Variants in SPATC1 observed in about 807,000 individuals in gnomAD.
SPATC1 encodes the protein speriolin.
A neutral mutation model predicts 36.5 loss-of-function variants in SPATC1; 35 were observed. The ratio of observed to expected loss-of-function variants is 0.96; its 90% CI spans 0.73 to 1.27. SPATC1 has a LOEUF of 1.27. Ranked by LOEUF, SPATC1 falls within the 50% of genes most tolerant of loss-of-function variation. SPATC1 has a pLI of 0.00. For missense variants in SPATC1, 779 were observed against 796.0 expected (o/e 0.98, Z 0.26); for synonymous variants, 361 against 353.6 (o/e 1.02, Z -0.24).
rs782061691 is a variant in SPATC1 at position 144,041,030 on chromosome 8, C to T, written c.1229C>T (p.Pro410Leu). ...TCTCGAGGTCCACGCACCACAGAAC[C>T]GTCGACGAAGAGCATGATGGAGGTG... ...NDSRGPRTTE[P>L]STKSMMEVER... The change falls in exon 3 of 5, where the codon CCG (proline) becomes CTG (leucine). Residue 410 changes from proline (P) to leucine (L), a missense_variant. Coordinates refer to ENST00000377470, the MANE Select transcript of SPATC1 (RefSeq NM_198572.3). The T allele has an allele frequency of 2.5e-6, 4 of 1,611,430 alleles. No individual in the cohort carries two copies. Among genetic ancestry groups the T allele is most frequent in the East Asian group, 2.2e-5 (1 of 44,874 alleles).
At chr8:144,039,426 C>T (rs897435294) in intron 1 of SPATC1, among the ~76,000 whole-genome samples, 1 of 152,208 alleles carries the variant, frequency 6.6e-6, no homozygotes, top group Non-Finnish European at 1.5e-5. Context: ...CAGCACGGAC[C>T]CCCTGAGGAG....
intron 1 of SPATC1, among the ~76,000 whole-genome samples, chr8:144,027,418 G>A (rs1207281033): frequency 1.3e-5 from 2 of 152,234 alleles, no homozygotes; most frequent in East Asian, 1.9e-4. Flanking sequence ...TCTTAATAAT[G>A]TCTTTTGAAA....
intron 1 of SPATC1, among the ~76,000 whole-genome samples, chr8:144,037,895 C>A: frequency 6.6e-6 from 1 of 151,510 alleles, no homozygotes; most frequent in East Asian, 1.9e-4. Context: ...TTTGGGAGGC[C>A]AAGGCGGGCA....
chr8:144,044,768 G>A (rs1835214208), intron 4 of SPATC1, among the ~76,000 whole-genome samples: 2 of 151,890 alleles, frequency 1.3e-5, no homozygotes, highest in Non-Finnish European at 2.9e-5. Context: ...CCAATGTGAT[G>A]AAACCCCGTC....
rs868989569 is a variant in SPATC1 at position 144,046,927 on chromosome 8, G to A, written c.1747G>A (p.Asp583Asn). 3.1e-6 allele frequency: 5 copies of A among 1,598,180 alleles called. No individual in the cohort carries two copies. The highest frequency in any genetic ancestry group is 2.2e-5 in the East Asian group (1 of 44,882). Reference sequence around the variant, plus strand: ...CTCCTGCCTCAGCCAGCTGGCGCACGATGACGGCAAGCCCATGTTCATCTG... The same window carrying A: ...CTCCTGCCTCAGCCAGCTGGCGCACAATGACGGCAAGCCCATGTTCATCTG... ...LLSCLSQLAH[D>N]DGKPMFIW is the part of the protein sequence containing the mutation. The change falls in exon 5 of 5, where the codon GAT becomes AAT. Residue 583 changes from aspartate (D) to asparagine (N), a missense_variant. Transcript: ENST00000377470. The surrounding 1 kb of genome is among the most constrained non-coding windows in gnomAD (Gnocchi z 6.6).
chr8:144,029,920 C>T (rs1260631873), intron 1 of SPATC1, among the ~76,000 whole-genome samples: 21 of 152,262 alleles, frequency 1.4e-4, no homozygotes, highest in South Asian at 6.2e-4. Flanking sequence ...TATTGTAGAA[C>T]GGTCTATTTC....
At chr8:144,031,331 G>A (rs977338384) in intron 1 of SPATC1, among the ~76,000 whole-genome samples, 3 of 151,780 alleles carry the variant, frequency 2.0e-5, no homozygotes, top group Non-Finnish European at 4.4e-5. Flanking sequence ...GCTTAAATAT[G>A]TCAAACCACT....
intron 1 of SPATC1, among the ~76,000 whole-genome samples, chr8:144,035,572 C>T (rs1834882112): frequency 6.6e-6 from 1 of 152,218 alleles, no homozygotes. Flanking sequence ...CTGTGTGCTA[C>T]GTGATGGTCC....
At chr8:144,013,176 C>T (rs1834314530) in intron 1 of SPATC1, among the ~76,000 whole-genome samples, 1 of 152,168 alleles carries the variant, frequency 6.6e-6, no homozygotes, top group Non-Finnish European at 1.5e-5. Context: ...CATCCTTCTC[C>T]ACCTCTGCAT....
At chr8:144,037,089 C>T (rs1288027277) in intron 1 of SPATC1, among the ~76,000 whole-genome samples, 1 of 132,758 alleles carries the variant, frequency 7.5e-6, no homozygotes. Context: ...TAGGGGCGGC[C>T]GGCTGGGCGG....
chr8:144,023,031 C>CTT (rs1834573685), intron 1 of SPATC1, among the ~76,000 whole-genome samples: 9 of 135,630 alleles, frequency 6.6e-5, no homozygotes, highest in South Asian at 2.4e-4. Context: ...CCCTGAGGAA[C>CTT]CTCGTCCCTC....
At chr8:144,042,822 G>A (rs1554756304) in intron 4 of SPATC1, among the ~76,000 whole-genome samples, 2 of 151,872 alleles carry the variant, frequency 1.3e-5, no homozygotes, top group Non-Finnish European at 1.5e-5. Flanking sequence ...GCCTGTGTGC[G>A]AGAGGACTTC....
chr8:144,025,592 C>G (rs1005969962), intron 1 of SPATC1, among the ~76,000 whole-genome samples: 1 of 152,162 alleles, frequency 6.6e-6, no homozygotes, highest in Non-Finnish European at 1.5e-5. Context: ...TGCGACGGGA[C>G]TGAAATCTCT....
At chr8:144,020,354 C>T (rs1194615815) in intron 1 of SPATC1, among the ~76,000 whole-genome samples, 1 of 151,110 alleles carries the variant, frequency 6.6e-6, no homozygotes, top group Non-Finnish European at 1.5e-5. Flanking sequence ...CCTCAGAACC[C>T]TTTCCCCCGA....
intron 1 of SPATC1, among the ~76,000 whole-genome samples, chr8:144,030,795 T>C (rs1173459779): frequency 2.6e-5 from 4 of 152,220 alleles, no homozygotes; most frequent in Non-Finnish European, 4.4e-5. Flanking sequence ...CATTTTAAAG[T>C]TATTTTCTTA....
At chr8:144,022,410 C>T (rs1171766695) in intron 1 of SPATC1, among the ~76,000 whole-genome samples, 381 of 5,668 alleles carry the variant, frequency 0.067, 1 homozygote, top group Middle Eastern at 0.21. Context: ...CAGAACTTTT[C>T]TTCTAAGGAC....
At chr8:144,022,553 CCCCTCAGGACCCTCTT>C (rs1184156168) in intron 1 of SPATC1, among the ~76,000 whole-genome samples, 1 of 56,848 alleles carries the variant, frequency 1.8e-5, no homozygotes, top group Non-Finnish European at 3.7e-5. Context: ...AAAACCCTTC[CCCCTCAGGACCCTCTT>C]CCCTCAGGAC....
intron 4 of SPATC1, among the ~76,000 whole-genome samples, chr8:144,041,577 G>A (rs1835102042): frequency 6.6e-6 from 1 of 152,226 alleles, no homozygotes; most frequent in Admixed American, 6.5e-5. Context: ...GGCGAGGTGG[G>A]GGTTTTCAGC....
chr8:144,031,573 T>G (rs1447174838), intron 1 of SPATC1, among the ~76,000 whole-genome samples: 1 of 150,846 alleles, frequency 6.6e-6, no homozygotes, highest in Non-Finnish European at 1.5e-5. Flanking sequence ...CTGATTGTAA[T>G]GTATCTCAGT....
Sources: allele counts gnomAD v4.1 joint callset (sites outside exome capture counted in the v4.1 genomes callset), GRCh38; gene constraint gnomAD v4.1.1; non-coding constraint Gnocchi (gnomAD v3.1); transcripts MANE v1.5; gene names NCBI Gene and HGNC (gene_info 2026-07-23, HGNC 2026-07-21).